CTNNA1: variants seen among roughly 807,000 people sequenced by gnomAD.
CTNNA1 encodes the protein catenin alpha 1.
CTNNA1 carries 37 observed loss-of-function variants against 98.4 expected under a neutral mutation model. The ratio of observed to expected loss-of-function variants is 0.38; its 90% confidence interval spans 0.29 to 0.49. CTNNA1 has a LOEUF of 0.49. Among genes scored for constraint, CTNNA1 ranks in the 20% least tolerant of loss-of-function variants. CTNNA1 has a pLI of 0.95. For missense variants in CTNNA1, 761 were observed against 1,147.2 expected (o/e 0.66, Z 4.86); for synonymous variants, 404 against 413.2 (o/e 0.98, Z 0.27).
At chr5:138,917,307 T>G (rs1762000710) in intron 10 of CTNNA1, among the ~76,000 whole-genome samples, 1 of 152,200 alleles carries the variant, frequency 6.6e-6, no homozygotes, top group Admixed American at 6.5e-5. Flanking sequence ...AGAATAACAG[T>G]GTGTCCATAA....
At chr5:138,820,165 G>T (rs943983421) in intron 5 of CTNNA1, among the ~76,000 whole-genome samples, 2 of 151,952 alleles carry the variant, frequency 1.3e-5, no homozygotes, top group African/African-American at 4.8e-5. Context: ...GGTAGATGGA[G>T]TGGCTTCCTC....
At chr5:138,825,170 C>T (rs1253715383) in intron 6 of CTNNA1, among the ~76,000 whole-genome samples, 1 of 152,074 alleles carries the variant, frequency 6.6e-6, no homozygotes, top group Non-Finnish European at 1.5e-5. Flanking sequence ...CCTAGAGGCT[C>T]GTGGTCTATT....
Position 138,932,250 on chromosome 5 carries a change from G to A in CTNNA1, c.2299-328G>A, listed in dbSNP as rs1397516431. On this transcript the variant is annotated intron_variant, in intron 16 of 17. Transcript: ENST00000302763. ...GAGGGGCATGGGCCTCCACCCTGCC[G>A]TTTGGGGTGAGGGGATCCTTGGCCA... The A allele has an allele frequency of 3.4e-5, 38 of 1,114,484 alleles. No homozygotes were observed. The South Asian group carries it at 9.0e-4, about 26-fold the overall frequency. 69.0% of individuals were successfully genotyped at this position (1,114,484 alleles called of 1,614,324 possible).
At position 138,783,281 on chromosome 5, in the gene CTNNA1, G is replaced by A. The variant is rs1369673536; in HGVS notation, c.210G>A (p.Glu70=). The change falls in exon 3 of 18, where the codon GAG becomes GAA. Residue 70 remains glutamate (E), a synonymous_variant. Coordinates refer to ENST00000302763, the MANE Select transcript of CTNNA1 (RefSeq NM_001903.5). ...CTGCATCTGTTGAACAAGCAACTGAGAATTTCTTGGAGAAGGGGGATAAAA... is the reference window on the plus strand; with the variant it reads ...CTGCATCTGTTGAACAAGCAACTGAAAATTTCTTGGAGAAGGGGGATAAAA... ...VLAASVEQAT[E]NFLEKGDKIA... is the part of the protein sequence containing the mutation. 4 of 1,614,136 alleles carry A rather than the reference G, an allele frequency of 2.5e-6. No individual in the cohort carries two copies. In the South Asian group the frequency reaches 4.4e-5, roughly 18 times the overall value.
At chr5:138,911,203 T>G (rs934236200) in intron 10 of CTNNA1, among the ~76,000 whole-genome samples, 2 of 152,172 alleles carry the variant, frequency 1.3e-5, no homozygotes, top group African/African-American at 4.8e-5. Flanking sequence ...GCCCCTGCAC[T>G]CCAGCCTGGG....
intron 7 of CTNNA1, among the ~76,000 whole-genome samples, chr5:138,835,571 C>G (rs1378348925): frequency 2.0e-5 from 3 of 152,172 alleles, no homozygotes; most frequent in Non-Finnish European, 4.4e-5. Flanking sequence ...GCATTGAATG[C>G]AAAATTTGAG....
intron 5 of CTNNA1, among the ~76,000 whole-genome samples, chr5:138,819,151 G>A (rs1456359640): frequency 3.3e-5 from 5 of 152,080 alleles, no homozygotes; most frequent in African/African-American, 4.8e-5. Context: ...GAGCCAATAG[G>A]GCTCAGTGGC....
At position 138,887,553 on chromosome 5, in the gene CTNNA1, G is replaced by T; in HGVS notation, c.1207G>T (p.Val403Leu). Residue 403 changes from valine (V) to leucine (L), a missense_variant, in exon 9 of 18, where the codon GTA becomes TTA. Physicochemically the swap from Val to Leu is conservative, Grantham distance 32 (BLOSUM62 1). Transcript: ENST00000302763. ...CCTGGAAACCAATGTTCCACTTTTG[G>T]TATTGATTGAAGCTGCAAAGAATGG... is the stretch of plus-strand genomic sequence containing the variant. ...SFLETNVPLL[V>L]LIEAAKNGNE... 1 of 1,611,924 alleles carries T rather than the reference G, an allele frequency of 6.2e-7. No homozygotes were observed. Among genetic ancestry groups the T allele is most frequent in the Non-Finnish European group, 8.5e-7 (1 of 1,178,752 alleles).
chr5:138,864,415 C>T (rs1183445322), intron 7 of CTNNA1, among the ~76,000 whole-genome samples: 1 of 152,128 alleles, frequency 6.6e-6, no homozygotes, highest in African/African-American at 2.4e-5. Context: ...AGCTAGGAAA[C>T]AGTAATAGCC....
At chr5:138,865,410 C>T (rs1220692018) in intron 7 of CTNNA1, among the ~76,000 whole-genome samples, 8 of 152,226 alleles carry the variant, frequency 5.3e-5, no homozygotes, top group African/African-American at 1.7e-4. Flanking sequence ...TCTGCCTGTT[C>T]TCTAGAACCT....
chr5:138,817,459 C>T (rs1759550441), intron 5 of CTNNA1, among the ~76,000 whole-genome samples: 1 of 152,130 alleles, frequency 6.6e-6, no homozygotes, highest in African/African-American at 2.4e-5. Context: ...GTCCATATCT[C>T]TCCCCAGACT....
chr5:138,873,809 G>A lies in CTNNA1; in HGVS notation c.1063-12403G>A, dbSNP rs1280620099. 6.2e-7 allele frequency: 1 copy of A among 1,613,848 alleles called. No homozygotes were observed. Among genetic ancestry groups the A allele is most frequent in the Non-Finnish European group, 8.5e-7 (1 of 1,179,898 alleles). On this transcript the variant is annotated intron_variant, in intron 7 of 17. Coordinates refer to ENST00000302763, the MANE Select transcript of CTNNA1 (RefSeq NM_001903.5). The surrounding 1 kb of genome is among the most constrained non-coding windows in gnomAD (Gnocchi z 6.1). ...GTCTAGCTTTTCTAAAGTGCCCCAG[G>A]TCCACTCCATCCCACATGTCAAGTT...
chr5:138,847,335 C>T (rs908228252), intron 7 of CTNNA1, among the ~76,000 whole-genome samples: 1 of 151,968 alleles, frequency 6.6e-6, no homozygotes, highest in African/African-American at 2.4e-5. Context: ...GTCTCCCTCC[C>T]TCTGTTTTTT....
chr5:138,777,632 G>C (rs1754493516), intron 1 of CTNNA1, among the ~76,000 whole-genome samples: 1 of 152,012 alleles, frequency 6.6e-6, no homozygotes, highest in African/African-American at 2.4e-5. Flanking sequence ...GAGGCTGGCG[G>C]ATCACTCGCG....
rs199867969 is a variant in CTNNA1 at position 138,824,749 on chromosome 5, C to T, written c.808C>T (p.His270Tyr). The T allele has an allele frequency of 2.4e-5, 38 of 1,614,058 alleles. No homozygotes were observed. The highest frequency in any genetic ancestry group is 2.3e-5 in the Non-Finnish European group (27 of 1,180,034). The change falls in exon 6 of 18, where the codon CAC becomes TAC. Residue 270 changes from histidine (H) to tyrosine (Y), a missense_variant. Around this residue, in one of 6 missense-constraint regions of CTNNA1, gnomAD observed 328 missense variants for 354.3 expected, o/e 0.93. Coordinates refer to ENST00000302763, the MANE Select transcript of CTNNA1 (RefSeq NM_001903.5). The part of the protein sequence containing the change: ...QATASDDASQ[H>Y]QGGGGGELAY... ...CACTGCCTCAGACGATGCCTCACAG[C>T]ACCAGGGTGGAGGAGGAGGAGAACT...
rs1044333017 is a variant in CTNNA1, at chr5:138,753,446, G to C, written c.-67G>C. ...TTTCCTCCTCCTAGCCGGACTGGAGGGAGACAAAGCAGCGCCCGTCTGCTT... is the reference window on the plus strand; with the variant it reads ...TTTCCTCCTCCTAGCCGGACTGGAGCGAGACAAAGCAGCGCCCGTCTGCTT... On this transcript the variant is annotated 5_prime_UTR_variant, in exon 1 of 18. Transcript: ENST00000302763. The C allele has an allele frequency of 4.3e-5, 16 of 376,286 alleles. No homozygotes were observed. The highest frequency in any genetic ancestry group is 2.9e-4 in the African/African-American group (14 of 47,532). The allele number at this position is 376,286 out of a possible 1,614,324, so 23.3% of individuals were successfully genotyped here. A position where few individuals can be genotyped will look rare whatever the true frequency, so the allele number is the denominator to read the frequency against.
At chr5:138,827,169 T>C (rs1393123227) in intron 6 of CTNNA1, among the ~76,000 whole-genome samples, 1 of 152,256 alleles carries the variant, frequency 6.6e-6, no homozygotes, top group Non-Finnish European at 1.5e-5. Context: ...GTAACTTTTA[T>C]TTTCCTTGTA....
intron 1 of CTNNA1, among the ~76,000 whole-genome samples, chr5:138,757,632 G>A (rs1015515345): frequency 6.6e-6 from 1 of 152,180 alleles, no homozygotes; most frequent in African/African-American, 2.4e-5. Flanking sequence ...ACTGGGTGGT[G>A]CATTACATTA....
At chr5:138,867,278 C>A (rs1011411566) in intron 7 of CTNNA1, among the ~76,000 whole-genome samples, 21 of 152,154 alleles carry the variant, frequency 1.4e-4, no homozygotes, top group Non-Finnish European at 7.4e-5. Context: ...TCTCTCTGAT[C>A]CCAGCTTCCC....
Sources: allele counts gnomAD v4.1 joint callset (sites outside exome capture counted in the v4.1 genomes callset), GRCh38; gene constraint gnomAD v4.1.1; regional missense constraint gnomAD v4.1.1; non-coding constraint Gnocchi (gnomAD v3.1); transcripts MANE v1.5; gene names NCBI Gene and HGNC (gene_info 2026-07-23, HGNC 2026-07-21).